PRMT9: variants seen among roughly 807,000 people sequenced by gnomAD.
PRMT9 encodes the protein protein arginine N-methyltransferase 9.
A neutral mutation model predicts 83.2 loss-of-function variants in PRMT9; 59 were observed. The ratio of observed to expected loss-of-function variants is 0.71; its 90% confidence interval spans 0.57 to 0.88. The LOEUF (loss-of-function observed/expected upper bound fraction) is 0.88, where lower values mean the gene tolerates loss of function less well. Among genes scored for constraint, PRMT9 ranks in the 40% least tolerant of loss-of-function variants. The probability of loss-of-function intolerance (pLI) is 0.00; values close to 1 mark genes in which losing one functional copy is unlikely to be tolerated. For synonymous variants in PRMT9, 333 were observed against 353.2 expected, an observed-to-expected ratio of 0.94 and a Z score of 0.64; for missense variants, 947 against 1,021.9, an observed-to-expected ratio of 0.93 and a Z score of 1.00.
chr4:147,640,061 CTTTTTTTTTTTTTT>C (rs1185905675), intron 10 of PRMT9, among the ~76,000 whole-genome samples: 1,492 of 35,138 alleles, frequency 0.042, 74 homozygotes, highest in African/African-American at 0.13. Context: ...CCACTCCTGT[CTTTTTTTTTTTTTT>C]TTTTTTTTTT....
At position 147,657,308 on chromosome 4, in the gene PRMT9, G is replaced by A. The variant is rs10021813; in HGVS notation, c.1330+484C>T. On this transcript the variant is annotated intron_variant, in intron 8 of 11. Transcript: ENST00000322396. ...TGGGAGGCCGAGGTGGGTGGATCAC[G>A]AGGTCAGAAGATCGAGACCATCCTG... Among the ~76,000 whole-genome samples, 322 of 152,136 alleles carry A rather than the reference G, an allele frequency of 2.1e-3. 1 individual carries two copies. Among genetic ancestry groups the A allele is most frequent in the African/African-American group, 7.1e-3 (294 of 41,514 alleles).
At position 147,654,091 on chromosome 4, in the gene PRMT9, C is replaced by A; in HGVS notation, c.1806G>T (p.Gly602=). 6.2e-7 allele frequency: 1 copy of A among 1,614,172 alleles called. No homozygotes were observed. Among genetic ancestry groups the A allele is most frequent in the Non-Finnish European group, 8.5e-7 (1 of 1,180,028 alleles). ...CCACAGAACTGTATGGTTTAACCTG[C>A]CCAAGTGTGCCAGCAATAACAGGCA... is the stretch of plus-strand genomic sequence containing the variant. ...SVLPVIAGTL[G]QVKPYSSVEK... is the part of the protein sequence containing the mutation. The change falls in exon 9 of 12, where the codon GGG becomes GGT. Residue 602 remains glycine (G), a synonymous_variant. Transcript: ENST00000322396.
At chr4:147,649,114 C>A (rs1469839616) in intron 9 of PRMT9, among the ~76,000 whole-genome samples, 2 of 150,654 alleles carry the variant, frequency 1.3e-5, no homozygotes, top group Non-Finnish European at 3.0e-5. Context: ...TTATAAAGAA[C>A]AGAAACTTAT....
chr4:147,650,774 G>A (rs1170997570), intron 9 of PRMT9, among the ~76,000 whole-genome samples: 1 of 152,160 alleles, frequency 6.6e-6, no homozygotes, highest in Admixed American at 6.5e-5. Context: ...TATGGTACTG[G>A]TATAAAGACA....
intron 9 of PRMT9, among the ~76,000 whole-genome samples, chr4:147,643,905 T>C (rs190217717): frequency 6.6e-6 from 1 of 152,242 alleles, no homozygotes; most frequent in Admixed American, 6.5e-5. Flanking sequence ...GATGGGAGGA[T>C]CGCTTGAGCC....
intron 8 of PRMT9, among the ~76,000 whole-genome samples, chr4:147,655,116 TC>T (rs1318895131): frequency 6.6e-6 from 1 of 152,176 alleles, no homozygotes; most frequent in Non-Finnish European, 1.5e-5. Flanking sequence ...AAGAACCAAG[TC>T]CTACAATAAA....
At chr4:147,656,645 A>G (rs1734507316) in intron 8 of PRMT9, among the ~76,000 whole-genome samples, 2 of 151,550 alleles carry the variant, frequency 1.3e-5, no homozygotes, top group Non-Finnish European at 2.9e-5. Context: ...GGTGGCATGC[A>G]CCTGTAGTCC....
At chr4:147,669,718 C>T (rs927791647) in intron 5 of PRMT9, among the ~76,000 whole-genome samples, 2 of 151,948 alleles carry the variant, frequency 1.3e-5, no homozygotes. Flanking sequence ...CTGCTCTTTT[C>T]AACCTTTAAC....
Position 147,683,865 on chromosome 4 carries a change from G to A in PRMT9, c.123C>T (p.Phe41=). ...SAEHCLGVQD[F]GTAYAHYLLV... is the part of the protein sequence containing the mutation. ...GGAGGTAGTGGGCATAGGCAGTGCC[G>A]AAGTCCTGGACGCCCAGACAGTGCT... Residue 41 remains phenylalanine, a synonymous_variant, in exon 1 of 12, where the codon TTC becomes TTT. Coordinates refer to ENST00000322396, the MANE Select transcript of PRMT9 (RefSeq NM_138364.4). The A allele has an allele frequency of 6.2e-7, 1 of 1,613,420 alleles. No homozygotes were observed. Among genetic ancestry groups the A allele is most frequent in the Non-Finnish European group, 8.5e-7 (1 of 1,179,980 alleles).
chr4:147,652,291 A>T (rs574092897), intron 9 of PRMT9, among the ~76,000 whole-genome samples: 2 of 152,282 alleles, frequency 1.3e-5, no homozygotes, highest in Admixed American at 6.5e-5. Context: ...ACCAAAAAAT[A>T]AAAAATAATA....
intron 2 of PRMT9, among the ~76,000 whole-genome samples, chr4:147,677,311 G>T (rs1265406875): frequency 6.6e-6 from 1 of 151,704 alleles, no homozygotes; most frequent in Non-Finnish European, 1.5e-5. Context: ...AGAAAAAAAA[G>T]GCTGTTCTAT....
chr4:147,672,258 T>C (rs1735788973), intron 4 of PRMT9, among the ~76,000 whole-genome samples: 1 of 152,240 alleles, frequency 6.6e-6, no homozygotes, highest in Non-Finnish European at 1.5e-5. Context: ...TTTAAAGTCA[T>C]AGTTGATATA....
chr4:147,656,369 T>C (rs905373904), intron 8 of PRMT9, among the ~76,000 whole-genome samples: 1 of 152,188 alleles, frequency 6.6e-6, no homozygotes, highest in Non-Finnish European at 1.5e-5. Context: ...CTTGGCTCAC[T>C]GCAGGCTCAG....
intron 4 of PRMT9, 41 bp from the exon 5 acceptor site, chr4:147,670,784 C>A: frequency 1.6e-6 from 2 of 1,266,864 alleles, no homozygotes; most frequent in South Asian, 2.4e-5. Context: ...AGTAAAATAT[C>A]ATGCTATTAT....
Position 147,670,752 on chromosome 4 carries a change from T to G in PRMT9, c.744-9A>C. ...TTACAACTAGGGACACTCTATAGAA[T>G]GATTTTTTAAAGATATATGTAAGTA... On this transcript the variant is annotated splice_polypyrimidine_tract_variant and intron_variant, in intron 4 of 11. Transcript: ENST00000322396. 1 of 1,559,184 alleles carries G rather than the reference T, an allele frequency of 6.4e-7. No individual in the cohort carries two copies. Among genetic ancestry groups the G allele is most frequent in the Middle Eastern group, 1.7e-4 (1 of 5,974 alleles).
intron 9 of PRMT9, among the ~76,000 whole-genome samples, chr4:147,646,222 GAAC>G (rs1305407411): frequency 6.6e-6 from 1 of 152,036 alleles, no homozygotes; most frequent in Non-Finnish European, 1.5e-5. Context: ...GTTATTATCT[GAAC>G]AACTGAAGTT....
At chr4:147,643,023 G>GCCTC in intron 9 of PRMT9, 83 bp from the exon 10 acceptor site, 2 of 1,258,546 alleles carry the variant, frequency 1.6e-6, no homozygotes, top group Non-Finnish European at 2.3e-6. Flanking sequence ...ACTTTGGGAG[G>GCCTC]CCAAGGTGGG....
chr4:147,647,585 C>T (rs1245604755), intron 9 of PRMT9, among the ~76,000 whole-genome samples: 2 of 150,848 alleles, frequency 1.3e-5, no homozygotes, highest in African/African-American at 4.9e-5. Flanking sequence ...TGCAGTGGTA[C>T]AATCTCAGCT....
In PRMT9 at chr4:147,644,457, A is replaced by G. The variant is rs1733605593; in HGVS notation, c.2046-1517T>C. On this transcript the variant is annotated intron_variant, in intron 9 of 11. Coordinates refer to ENST00000322396, the MANE Select transcript of PRMT9 (RefSeq NM_138364.4). ...CAAAATCCTTTCTCTTCCTACGTTGACCTTGGGTTTACCTTCTCTTTCCCT... is the reference window on the plus strand; with the variant it reads ...CAAAATCCTTTCTCTTCCTACGTTGGCCTTGGGTTTACCTTCTCTTTCCCT... 2.7e-5 allele frequency among the ~76,000 whole-genome samples: 4 copies of G among 148,980 alleles called. No homozygotes were observed. The South Asian group carries it at 8.5e-4, about 32-fold the overall frequency.
Sources: allele counts gnomAD v4.1 joint callset (sites outside exome capture counted in the v4.1 genomes callset), GRCh38; gene constraint gnomAD v4.1.1; transcripts MANE v1.5; gene names NCBI Gene and HGNC (gene_info 2026-07-23, HGNC 2026-07-21).